Variants in MCTP2 observed in about 807,000 individuals in gnomAD.
MCTP2 encodes multiple C2 and transmembrane domain-containing protein 2.
MCTP2 carries 132 observed loss-of-function variants against 111.6 expected under a neutral mutation model. The observed-to-expected ratio is 1.18, with a 90% CI of 1.03 to 1.37. The LOEUF (loss-of-function observed/expected upper bound fraction) is 1.37. Ranked by LOEUF, MCTP2 falls within the 40% of genes most tolerant of loss-of-function variation. The pLI, the probability that MCTP2 is intolerant of heterozygous loss-of-function variation, is 0.00. For synonymous variants in MCTP2, 395 were observed against 387.7 expected, an observed-to-expected ratio of 1.02 and a Z score of -0.22; for missense variants, 1,183 against 1,067.9, an observed-to-expected ratio of 1.11 and a Z score of -1.50.
At chr15:94,372,964 A>C (rs1015269644) in intron 12 of MCTP2, among the ~76,000 whole-genome samples, 9 of 152,220 alleles carry the variant, frequency 5.9e-5, no homozygotes, top group Non-Finnish European at 1.3e-4. Flanking sequence ...GCTTCAGTTT[A>C]GTTTCACCTA....
rs369750756 is a variant in MCTP2, at chr15:94,373,306, T to C, written c.1582+3126T>C. Among the ~76,000 whole-genome samples the C allele has an allele frequency of 2.0e-5, 3 of 152,310 alleles. No individual in the cohort carries two copies. In the East Asian group the frequency reaches 5.8e-4, roughly 29 times the overall value. ...TTGAATACTCATTACTATGTTAGTA[T>C]TTTAGAACATTAGAATAAAATATAC... On this transcript the variant is annotated intron_variant, in intron 12 of 22. Transcript: ENST00000357742.
intron 17 of MCTP2, among the ~76,000 whole-genome samples, chr15:94,420,169 C>G (rs758562447): frequency 6.6e-6 from 1 of 152,094 alleles, no homozygotes; most frequent in African/African-American, 2.4e-5. Flanking sequence ...GCATCATTTA[C>G]TGAATATTTT....
chr15:94,374,216 A>G (rs2079633323), intron 12 of MCTP2, among the ~76,000 whole-genome samples: 1 of 152,224 alleles, frequency 6.6e-6, no homozygotes, highest in Non-Finnish European at 1.5e-5. Context: ...CATAAACTGT[A>G]AAAAGAGAAT....
intron 17 of MCTP2, among the ~76,000 whole-genome samples, chr15:94,418,223 A>G (rs530492360): frequency 1.3e-5 from 2 of 152,286 alleles, no homozygotes; most frequent in African/African-American, 4.8e-5. Flanking sequence ...GTCCACTTAC[A>G]GTCCAATTAG....
At chr15:94,418,670 T>C (rs1027379190) in intron 17 of MCTP2, among the ~76,000 whole-genome samples, 2 of 152,162 alleles carry the variant, frequency 1.3e-5, no homozygotes, top group East Asian at 1.9e-4. Flanking sequence ...TATTGGGGCA[T>C]AGGTGATTGT....
At chr15:94,322,517 T>C (rs1387495617) in intron 4 of MCTP2, among the ~76,000 whole-genome samples, 1 of 152,192 alleles carries the variant, frequency 6.6e-6, no homozygotes, top group East Asian at 1.9e-4. Flanking sequence ...CAAATGAACA[T>C]AGCTGTTTTC....
At chr15:94,424,941 C>T (rs2082808441) in intron 17 of MCTP2, among the ~76,000 whole-genome samples, 1 of 151,860 alleles carries the variant, frequency 6.6e-6, no homozygotes, top group Non-Finnish European at 1.5e-5. Context: ...ATTCTTTGTA[C>T]TTAAAATATC....
chr15:94,314,162 C>T (rs2076274148), intron 2 of MCTP2, 120 bp from the exon 3 acceptor site: 2 of 657,144 alleles, frequency 3.0e-6, no homozygotes, highest in Admixed American at 2.7e-5. Context: ...AGGCGGCCCT[C>T]ACTGAAGCTG....
intron 17 of MCTP2, among the ~76,000 whole-genome samples, chr15:94,405,175 C>A (rs1013637783): frequency 7.9e-5 from 12 of 152,166 alleles, no homozygotes; most frequent in African/African-American, 2.9e-4. Context: ...GGCTTTTCTT[C>A]TTGTGACAGT....
At position 94,400,581 on chromosome 15, in the gene MCTP2, G is replaced by A. The variant is rs141384642; in HGVS notation, c.1965+586G>A. On this transcript the variant is annotated intron_variant, in intron 16 of 22. Coordinates refer to ENST00000357742, the MANE Select transcript of MCTP2 (RefSeq NM_001385001.1). ...AGTTCAACAAAAGGTGAAGTTCAGG[G>A]TCTGGTAGGGGAAGTTTCACTTTTT... 4.3e-3 allele frequency among the ~76,000 whole-genome samples: 655 copies of A among 150,594 alleles called. 7 individuals are homozygous for A. The highest frequency in any genetic ancestry group is 0.015 in the African/African-American group (625 of 40,962).
At chr15:94,357,328 C>G (rs941975650) in intron 9 of MCTP2, among the ~76,000 whole-genome samples, 1 of 152,200 alleles carries the variant, frequency 6.6e-6, no homozygotes, top group Non-Finnish European at 1.5e-5. Flanking sequence ...CAGGTAATTT[C>G]AGGCTTTGCC....
At position 94,456,368 on chromosome 15, in the gene MCTP2, G is replaced by A. The variant is rs1294738454; in HGVS notation, c.2251-1769G>A. On this transcript the variant is annotated intron_variant, in intron 19 of 22. Coordinates refer to ENST00000357742, the MANE Select transcript of MCTP2 (RefSeq NM_001385001.1). ...TGAAATAGGAAGTTTTTATTAAATC[G>A]AATGACATGGAAACTTGAGTCATTT... Among the ~76,000 whole-genome samples, 6 of 152,196 alleles carry A rather than the reference G, an allele frequency of 3.9e-5. No homozygotes were observed. In the East Asian group the frequency reaches 9.6e-4, roughly 24 times the overall value.
At chr15:94,299,420 C>T (rs1202830992) in intron 2 of MCTP2, among the ~76,000 whole-genome samples, 1 of 152,102 alleles carries the variant, frequency 6.6e-6, no homozygotes, top group Non-Finnish European at 1.5e-5. Context: ...GTATGTCCCC[C>T]TTTGACTGCC....
At chr15:94,358,068 T>G (rs2078726685) in intron 9 of MCTP2, among the ~76,000 whole-genome samples, 4 of 152,214 alleles carry the variant, frequency 2.6e-5, no homozygotes, top group Admixed American at 2.0e-4. Context: ...AACTGTTAAT[T>G]TATATAGTTA....
chr15:94,251,408 G>C (rs1276405330), intron 1 of MCTP2, among the ~76,000 whole-genome samples: 1 of 151,566 alleles, frequency 6.6e-6, no homozygotes, highest in African/African-American at 2.4e-5. Context: ...GCCCAGGCTG[G>C]AGTGCAGTGG....
chr15:94,479,213 G>A lies in MCTP2; in HGVS notation c.*179G>A, dbSNP rs2074605919. 1.6e-6 allele frequency: 1 copy of A among 636,140 alleles called. No homozygotes were observed. Among genetic ancestry groups the A allele is most frequent in the Non-Finnish European group, 2.8e-6 (1 of 351,004 alleles). 39.4% of individuals were successfully genotyped at this position (636,140 alleles called of 1,614,324 possible). On this transcript the variant is annotated 3_prime_UTR_variant, in exon 23 of 23. Coordinates refer to ENST00000357742, the MANE Select transcript of MCTP2 (RefSeq NM_001385001.1). The stretch of plus-strand genomic sequence containing the variant: ...TACACACATGTGCACACACCCTCAT[G>A]CATGGGTGTCCTAGTTGCGTAGAGG...
chr15:94,436,197 T>C (rs536194317), intron 17 of MCTP2, among the ~76,000 whole-genome samples: 54 of 152,270 alleles, frequency 3.5e-4, no homozygotes, highest in Admixed American at 3.1e-3. Flanking sequence ...TCAGAAGTAA[T>C]GGTAAATTTT....
At chr15:94,330,910 T>C (rs1255361933) in intron 4 of MCTP2, among the ~76,000 whole-genome samples, 1 of 150,892 alleles carries the variant, frequency 6.6e-6, no homozygotes, top group African/African-American at 2.5e-5. Context: ...AATTTCTGTA[T>C]TTTTTGTAGA....
chr15:94,426,240 A>G (rs1191548788), intron 17 of MCTP2, among the ~76,000 whole-genome samples: 1 of 152,048 alleles, frequency 6.6e-6, no homozygotes, highest in African/African-American at 2.4e-5. Flanking sequence ...CATGTCTTTT[A>G]TAAATTTTGG....
Sources: gnomAD v4.1 joint callset for allele counts (sites outside exome capture counted in the v4.1 genomes callset) on GRCh38, gnomAD v4.1.1 for gene constraint, MANE v1.5 for transcripts, NCBI Gene and HGNC (gene_info 2026-07-23, HGNC 2026-07-21) for gene names.